Variants in CLCA1 observed in about 807,000 individuals in gnomAD.
The protein encoded by CLCA1 is chloride channel accessory 1.
Under a neutral mutation model 85.6 loss-of-function variants are expected in CLCA1, and 59 were observed. The ratio of observed to expected loss-of-function variants is 0.69; its 90% CI spans 0.56 to 0.86. CLCA1 has a LOEUF of 0.86. CLCA1 is among the 40% of genes least tolerant of loss of function. The pLI is 0.00. For synonymous variants in CLCA1, 396 were observed against 398.3 expected (o/e 0.99, Z 0.07); for missense variants, 1,022 against 1,101.4 (o/e 0.93, Z 1.02).
At chr1:86,485,880 T>TC (rs1647951771) in intron 6 of CLCA1, among the ~76,000 whole-genome samples, 1 of 152,212 alleles carries the variant, frequency 6.6e-6, no homozygotes, top group South Asian at 2.1e-4. Context: ...CTCATACTGC[T>TC]ATAAAGAAAT....
rs575888913 is a variant in CLCA1, at chr1:86,479,887, A to AAAAC, written c.558-2295_558-2292dup. On this transcript the variant is annotated intron_variant, in intron 4 of 13. Coordinates refer to ENST00000394711, the MANE Select transcript of CLCA1 (RefSeq NM_001285.4). ...GCAACAGAGTGAGACTCCATCTCAA[A>AAAAC]AAACAAACAAACAAACAAACAAACA... Among the ~76,000 whole-genome samples, 377 of 152,226 alleles carry AAAAC rather than the reference A, an allele frequency of 2.5e-3. 2 individuals are homozygous for AAAAC. Among genetic ancestry groups the AAAAC allele is most frequent in the African/African-American group, 8.4e-3 (347 of 41,528 alleles).
intron 11 of CLCA1, among the ~76,000 whole-genome samples, chr1:86,494,972 A>T (rs1237790099): frequency 6.6e-6 from 1 of 151,850 alleles, no homozygotes; most frequent in East Asian, 1.9e-4. Context: ...AAAAGTGAAA[A>T]TTCTGCCCAT....
intron 13 of CLCA1, 62 bp from the exon 14 acceptor site, chr1:86,499,592 C>T (rs1177219375): frequency 1.8e-6 from 2 of 1,097,838 alleles, no homozygotes; most frequent in Non-Finnish European, 2.6e-6. Flanking sequence ...TAAAGCTCTA[C>T]TGCTTAAGAA....
Position 86,476,573 on chromosome 1 carries a change from A to T in CLCA1, c.557+20A>T, listed in dbSNP as rs1647642658. 8.0e-7 allele frequency: 1 copy of T among 1,251,326 alleles called. No individual in the cohort carries two copies. The highest frequency in any genetic ancestry group is 1.5e-5 in the African/African-American group (1 of 67,520). The allele number at this position is 1,251,326 out of a possible 1,614,324, so 77.5% of individuals were successfully genotyped here. The stretch of plus-strand genomic sequence containing the variant: ...AGTAAGGTATGTATATTTTGATTTA[A>T]CTTGTTCCAAACTATTTTAAATTGC... On this transcript the variant is annotated intron_variant, in intron 4 of 13. Transcript: ENST00000394711.
Position 86,495,667 on chromosome 1 carries a change from T to C in CLCA1, c.2105T>C (p.Ile702Thr). ...GGAGCACTGTACATACCTGGCTGGATTGAGAATGGTAAGTAATTTGTAATA... is the reference window on the plus strand; with the variant it reads ...GGAGCACTGTACATACCTGGCTGGACTGAGAATGGTAAGTAATTTGTAATA... ...QSGALYIPGW[I>T]ENDEIQWNPP... Residue 702 changes from isoleucine to threonine, a missense_variant, in exon 12 of 14, where the codon ATT (isoleucine) becomes ACT (threonine). By Grantham distance (89) the Ile-to-Thr change is moderately conservative. Coordinates refer to ENST00000394711, the MANE Select transcript of CLCA1 (RefSeq NM_001285.4). The C allele has an allele frequency of 3.1e-6, 5 of 1,604,056 alleles. 1 individual carries two copies. Among genetic ancestry groups the C allele is most frequent in the South Asian group, 2.2e-5 (2 of 89,072 alleles).
At chr1:86,473,929 A>AGT in intron 3 of CLCA1, 53 bp downstream of exon 3, 1 of 1,371,728 alleles carries the variant, frequency 7.3e-7, no homozygotes. Flanking sequence ...TTATGTTCAA[A>AGT]GTGTATCAAC....
chr1:86,472,575 C>G (rs2101727135), intron 1 of CLCA1, among the ~76,000 whole-genome samples: 1 of 152,326 alleles, frequency 6.6e-6, no homozygotes, highest in East Asian at 1.9e-4. Context: ...TATCTTCTAT[C>G]ACTCTCCCTA....
chr1:86,494,072 C>G, intron 10 of CLCA1, 115 bp from the exon 11 acceptor site: 5 of 1,180,874 alleles, frequency 4.2e-6, no homozygotes, highest in Non-Finnish European at 6.0e-6. Flanking sequence ...CACACCTCTT[C>G]TTAGATATGC....
chr1:86,476,643 G>A, intron 4 of CLCA1, 90 bp downstream of exon 4: 1 of 562,334 alleles, frequency 1.8e-6, no homozygotes, highest in Non-Finnish European at 3.1e-6. Flanking sequence ...TGTGTGTCCT[G>A]GCTTATTTTC....
intron 5 of CLCA1, among the ~76,000 whole-genome samples, chr1:86,483,967 C>T (rs1440483984): frequency 2.0e-5 from 3 of 152,142 alleles, no homozygotes; most frequent in African/African-American, 4.8e-5. Context: ...AGAAGCAAGG[C>T]ACACCTTACG....
At chr1:86,484,336 T>C (rs771195398) in intron 5 of CLCA1, among the ~76,000 whole-genome samples, 2 of 152,082 alleles carry the variant, frequency 1.3e-5, no homozygotes, top group Non-Finnish European at 2.9e-5. Context: ...TGGCTGAACA[T>C]GAAGGTAGAG....
intron 12 of CLCA1, among the ~76,000 whole-genome samples, chr1:86,496,115 T>TA (rs1648276268): frequency 6.6e-6 from 1 of 152,304 alleles, no homozygotes; most frequent in East Asian, 1.9e-4. Flanking sequence ...AGCTACCTCA[T>TA]AGGATGGTCA....
Position 86,486,720 on chromosome 1 carries a change from G to A in CLCA1, c.1149G>A (p.Thr383=), listed in dbSNP as rs777755432. The part of the protein sequence containing the change: ...KRLPAAASGG[T]SICSGLRSAF... The stretch of plus-strand genomic sequence containing the variant: ...TACCTGCAGCAGCTTCAGGAGGGAC[G>A]TCCATCTGCAGCGGGCTTCGATCGG... The change falls in exon 7 of 14, where the codon ACG becomes ACA. Residue 383 remains threonine (T), a synonymous_variant. Transcript: ENST00000394711. 4.7e-5 allele frequency: 76 copies of A among 1,614,078 alleles called. No individual in the cohort carries two copies. In the East Asian group the frequency reaches 1.5e-3, roughly 32 times the overall value.
chr1:86,485,279 C>T, intron 5 of CLCA1, 64 bp from the exon 6 acceptor site: 2 of 1,321,136 alleles, frequency 1.5e-6, no homozygotes, highest in South Asian at 2.5e-5. Context: ...ACAGGTCTAA[C>T]AAATTATTAA....
At chr1:86,493,184 G>T (rs1275950504) in intron 9 of CLCA1, among the ~76,000 whole-genome samples, 200 bp from the exon 10 acceptor site, 1 of 152,138 alleles carries the variant, frequency 6.6e-6, no homozygotes, top group Non-Finnish European at 1.5e-5. Flanking sequence ...GTCTTGTTTG[G>T]GTGGAGGATG....
At chr1:86,491,138 T>C (rs957777453) in intron 8 of CLCA1, 127 bp from the exon 9 acceptor site, 4 of 568,758 alleles carry the variant, frequency 7.0e-6, no homozygotes, top group Non-Finnish European at 1.2e-5. Flanking sequence ...ACCTATTTGA[T>C]GTTGATCTAT....
chr1:86,488,603 G>T (rs1017114348), intron 7 of CLCA1, among the ~76,000 whole-genome samples: 1 of 152,138 alleles, frequency 6.6e-6, no homozygotes, highest in Admixed American at 6.5e-5. Flanking sequence ...TCTGCCCTGG[G>T]TCTAATATCC....
intron 8 of CLCA1, among the ~76,000 whole-genome samples, 168 bp from the exon 9 acceptor site, chr1:86,491,097 A>G (rs1405319255): frequency 6.6e-6 from 1 of 151,958 alleles, no homozygotes; most frequent in Non-Finnish European, 1.5e-5. Flanking sequence ...TAGGTTAAAA[A>G]AATACTATCA....
At chr1:86,486,163 A>G (rs887949115) in intron 6 of CLCA1, among the ~76,000 whole-genome samples, 7 of 152,166 alleles carry the variant, frequency 4.6e-5, no homozygotes, top group Admixed American at 4.6e-4. Flanking sequence ...ACCTCCCACC[A>G]GGTCCCTCCC....
Sources: allele counts gnomAD v4.1 joint callset (sites outside exome capture counted in the v4.1 genomes callset), GRCh38; gene constraint gnomAD v4.1.1; transcripts MANE v1.5; gene names NCBI Gene and HGNC (gene_info 2026-07-23, HGNC 2026-07-21).